The following ZC3H12A variants were observed in gnomAD, a reference collection of about 807,000 sequenced individuals.
ZC3H12A encodes the protein endoribonuclease ZC3H12A.
In ZC3H12A, 9 loss-of-function variants were observed where a neutral mutation model predicts 29.9. The observed-to-expected ratio is 0.30, with a 90% confidence interval of 0.18 to 0.53. The LOEUF is 0.53. Among genes scored for constraint, ZC3H12A ranks in the 20% least tolerant of loss-of-function variants. ZC3H12A has a pLI of 0.96. For missense variants in ZC3H12A, 617 were observed against 799.0 expected, an observed-to-expected ratio of 0.77 and a Z score of 2.75; for synonymous variants, 323 against 338.1, an observed-to-expected ratio of 0.96 and a Z score of 0.49.
intron 3 of ZC3H12A, 64 bp from the exon 4 acceptor site, chr1:37,481,537 A>G: frequency 6.5e-7 from 1 of 1,537,722 alleles, no homozygotes; most frequent in Non-Finnish European, 9.0e-7. Context: ...CAGGTTAGGG[A>G]GCCCTGTAGG....
chr1:37,479,957 C>A lies in ZC3H12A; in HGVS notation c.444-333C>A. On this transcript the variant is annotated intron_variant, in intron 2 of 5. Transcript: ENST00000373087. This position sits in a 1 kb window ranked among gnomAD's most constrained non-coding sequence, Gnocchi z 4.5. ...TGCAAGTGGCCTGGCCCTCCCCCAC[C>A]GTGGGGAGCAGTGCTGCCAGCTTCC... 3.7e-6 allele frequency: 4 copies of A among 1,072,804 alleles called. No individual in the cohort carries two copies. Among genetic ancestry groups the A allele is most frequent in the Non-Finnish European group, 4.5e-6 (4 of 883,300 alleles). 66.5% of individuals were successfully genotyped at this position (1,072,804 alleles called of 1,614,324 possible).
At position 37,483,734 on chromosome 1, in the gene ZC3H12A, T is replaced by C; in HGVS notation, c.*123T>C. 1.5e-6 allele frequency: 2 copies of C among 1,312,570 alleles called. No homozygotes were observed. Among genetic ancestry groups the C allele is most frequent in the South Asian group, 3.1e-5 (2 of 64,666 alleles). The allele number at this position is 1,312,570 out of a possible 1,614,324, so 81.3% of individuals were successfully genotyped here. ...CCCCAGAGGCTGGACAGAGGGAGGA[T>C]TCAAGTCGGGAAGGAAACCCACAAA... On this transcript the variant is annotated 3_prime_UTR_variant, in exon 6 of 6. Coordinates refer to ENST00000373087, the MANE Select transcript of ZC3H12A (RefSeq NM_025079.3).
chr1:37,478,747 TTGA>T lies in ZC3H12A; in HGVS notation c.444-1537_444-1535del, dbSNP rs1245060344. 1 of 703,206 alleles carries T rather than the reference TTGA, an allele frequency of 1.4e-6. No individual in the cohort carries two copies. Among genetic ancestry groups the T allele is most frequent in the East Asian group, 1.4e-4 (1 of 7,396 alleles). The allele number at this position is 703,206 out of a possible 1,614,324, so 43.6% of individuals were successfully genotyped here. ...TTTCATCTGAAAAACAGGGAAGGAGTTGATGATGGTATAGTGCCCTCCTCACAA... is the reference window on the plus strand; with the variant it reads ...TTTCATCTGAAAAACAGGGAAGGAGTTGATGGTATAGTGCCCTCCTCACAA... On this transcript the variant is annotated intron_variant, in intron 2 of 5. Coordinates refer to ENST00000373087, the MANE Select transcript of ZC3H12A (RefSeq NM_025079.3). The surrounding 1 kb of genome is among the most constrained non-coding windows in gnomAD (Gnocchi z 5.2).
Position 37,480,127 on chromosome 1 carries a change from G to T in ZC3H12A, c.444-163G>T, listed in dbSNP as rs1641672817. 3 of 1,347,510 alleles carry T rather than the reference G, an allele frequency of 2.2e-6. No homozygotes were observed. In the African/African-American group the frequency reaches 4.4e-5, roughly 20 times the overall value. 83.5% of individuals were successfully genotyped at this position (1,347,510 alleles called of 1,614,324 possible). On this transcript the variant is annotated intron_variant, in intron 2 of 5. Coordinates refer to ENST00000373087, the MANE Select transcript of ZC3H12A (RefSeq NM_025079.3). ...CAGAGGGCCAGGGCCTGAGCCCTGG[G>T]GAAAGGGGAAGGGGCTGGTGACTCC... is the stretch of plus-strand genomic sequence containing the variant.
In ZC3H12A at chr1:37,476,447, G is replaced by A. The variant is rs1449319984; in HGVS notation, c.443+508G>A. ...TCTTGTCTCAGACCTGGGCTCCCAC[G>A]AAAACAGGTCCAGTGACTGTGTCCA... On this transcript the variant is annotated intron_variant, in intron 2 of 5. Transcript: ENST00000373087. The surrounding 1 kb of genome is among the most constrained non-coding windows in gnomAD (Gnocchi z 6.0). Among the ~76,000 whole-genome samples the A allele has an allele frequency of 2.6e-5, 4 of 152,204 alleles. No individual in the cohort carries two copies. Among genetic ancestry groups the A allele is most frequent in the Non-Finnish European group, 5.9e-5 (4 of 68,028 alleles).
Position 37,483,110 on chromosome 1 carries a change from G to A in ZC3H12A, c.1299G>A (p.Gln433=), listed in dbSNP as rs769568500. 1.2e-6 allele frequency: 2 copies of A among 1,613,372 alleles called. No individual in the cohort carries two copies. The highest frequency in any genetic ancestry group is 3.3e-5 in the Admixed American group (2 of 60,008). The change falls in exon 6 of 6, where the codon CAG becomes CAA. Residue 433 remains glutamine, a synonymous_variant. Coordinates refer to ENST00000373087, the MANE Select transcript of ZC3H12A (RefSeq NM_025079.3). The part of the protein sequence containing the change: ...QTLDSLPYVS[Q]DCLDSGIGSL... ...TGGACTCACTCCCGTACGTCTCCCA[G>A]GATTGCCTGGACTCGGGCATTGGCT...
chr1:37,475,623 G>C lies in ZC3H12A; in HGVS notation c.127G>C (p.Ala43Pro), dbSNP rs1409882596. The change falls in exon 2 of 6, where the codon GCC becomes CCC. Residue 43 changes from alanine (A) to proline (P), a missense_variant. Ala to Pro is a conservative substitution (Grantham distance 27). Transcript: ENST00000373087. The surrounding 1 kb of genome is among the most constrained non-coding windows in gnomAD (Gnocchi z 5.2). ...RPGQELAAEE[A>P]SALELQMKVD... ...GGGTCAAGAGCTGGCCGCTGAGGAG[G>C]CCTCGGCCCTGGAACTGCAGATGAA... is the stretch of plus-strand genomic sequence containing the variant. The C allele has an allele frequency of 6.2e-7, 1 of 1,614,108 alleles. No homozygotes were observed. Among genetic ancestry groups the C allele is most frequent in the Non-Finnish European group, 8.5e-7 (1 of 1,180,050 alleles).
intron 3 of ZC3H12A, among the ~76,000 whole-genome samples, chr1:37,481,042 G>T (rs1557594601): frequency 6.6e-6 from 1 of 152,172 alleles, no homozygotes; most frequent in Non-Finnish European, 1.5e-5. Flanking sequence ...CTTGAGATCT[G>T]GGGGCAGCCT....
At chr1:37,477,518 C>G (rs116568767) in intron 2 of ZC3H12A, among the ~76,000 whole-genome samples, 6 of 152,194 alleles carry the variant, frequency 3.9e-5, no homozygotes, top group East Asian at 3.9e-4. Context: ...GCTAGCCCCC[C>G]CATCATATGC....
In ZC3H12A at chr1:37,475,489, T is replaced by C; in HGVS notation, c.-8T>C. 3 of 1,593,126 alleles carry C rather than the reference T, an allele frequency of 1.9e-6. No homozygotes were observed. The highest frequency in any genetic ancestry group is 2.6e-6 in the Non-Finnish European group (3 of 1,168,570). ...GCTGTGGCGCGGGGCCTTCCAGGAG[T>C]CTGAGCTATGAGTGGCCCCTGTGGA... On this transcript the variant is annotated 5_prime_UTR_variant, in exon 2 of 6. Transcript: ENST00000373087. The surrounding 1 kb of genome is among the most constrained non-coding windows in gnomAD (Gnocchi z 5.2).
chr1:37,480,338 G>A lies in ZC3H12A; in HGVS notation c.492G>A (p.Val164=). The change falls in exon 3 of 6, where the codon GTG becomes GTA. Residue 164 remains valine (V), a synonymous_variant. Coordinates refer to ENST00000373087, the MANE Select transcript of ZC3H12A (RefSeq NM_025079.3). ...CCTGCCGGGGCATCCTGCTGGCAGT[G>A]AACTGGTTTCTGGAGCGGGGCCACA... ...VFSCRGILLA[V]NWFLERGHTD... is the part of the protein sequence containing the mutation. 1 of 1,614,076 alleles carries A rather than the reference G, an allele frequency of 6.2e-7. No homozygotes were observed. Among genetic ancestry groups the A allele is most frequent in the Non-Finnish European group, 8.5e-7 (1 of 1,179,972 alleles).
At chr1:37,481,960 C>G (rs1177848921) in intron 4 of ZC3H12A, 125 bp downstream of exon 4, 3 of 929,882 alleles carry the variant, frequency 3.2e-6, no homozygotes, top group African/African-American at 3.3e-5. Flanking sequence ...GGTTGCGGGT[C>G]TTGGCTCCAG....
Position 37,482,482 on chromosome 1 carries a change from C to T in ZC3H12A, c.867C>T (p.Asp289=). 2 of 1,614,152 alleles carry T rather than the reference C, an allele frequency of 1.2e-6. No homozygotes were observed. The highest frequency in any genetic ancestry group is 1.6e-4 in the Middle Eastern group (1 of 6,062). ...TGGGCCGGCACGGGCCCAGCCTGGACAACTTCCTGCGTAAGAAGCCACTCA... is the reference window on the plus strand; with the variant it reads ...TGGGCCGGCACGGGCCCAGCCTGGATAACTTCCTGCGTAAGAAGCCACTCA... ...DPLGRHGPSL[D]NFLRKKPLTL... is the part of the protein sequence containing the mutation. Residue 289 remains aspartate, a synonymous_variant, in exon 5 of 6, where the codon GAC becomes GAT. Transcript: ENST00000373087.
rs1641596231 is a variant in ZC3H12A at position 37,476,651 on chromosome 1, C to T, written c.443+712C>T. The stretch of plus-strand genomic sequence containing the variant: ...AGGACTCAGCCCCCAGTGACTCCCA[C>T]CCCCATCCCCCAGCACAGGAATGGG... On this transcript the variant is annotated intron_variant, in intron 2 of 5. Transcript: ENST00000373087. This position sits in a 1 kb window ranked among gnomAD's most constrained non-coding sequence, Gnocchi z 6.0. 6.6e-6 allele frequency among the ~76,000 whole-genome samples: 1 copy of T among 152,168 alleles called. No homozygotes were observed. The highest frequency in any genetic ancestry group is 1.5e-5 in the Non-Finnish European group (1 of 68,012).
Position 37,482,927 on chromosome 1 carries a change from G to T in ZC3H12A, c.1116G>T (p.Glu372Asp). 6.2e-7 allele frequency: 1 copy of T among 1,613,702 alleles called. No individual in the cohort carries two copies. Among genetic ancestry groups the T allele is most frequent in the South Asian group, 1.1e-5 (1 of 91,086 alleles). ...SQSSSLLTES[E>D]QCSLDGKKLG... ...CCAGCTCTCTGCTAACAGAGAGTGA[G>T]CAGTGCAGCCTGGATGGGAAGAAGC... Residue 372 changes from glutamate (E) to aspartate (D), a missense_variant, in exon 6 of 6, where the codon GAG becomes GAT. This residue lies in a region of ZC3H12A where 115 missense variants were observed against 112.5 expected (regional missense o/e 1.02). Transcript: ENST00000373087.
chr1:37,479,034 C>G lies in ZC3H12A; in HGVS notation c.444-1256C>G. 1.0e-6 allele frequency: 1 copy of G among 985,250 alleles called. No homozygotes were observed. The highest frequency in any genetic ancestry group is 1.2e-6 in the Non-Finnish European group (1 of 829,902). The allele number at this position is 985,250 out of a possible 1,614,324, so 61.0% of individuals were successfully genotyped here. ...TAGCTTCTCTTAGGGCTCCAGCTAT[C>G]ACCCCTTACCTCCCCCACTCCCATT... is the stretch of plus-strand genomic sequence containing the variant. On this transcript the variant is annotated intron_variant, in intron 2 of 5. Coordinates refer to ENST00000373087, the MANE Select transcript of ZC3H12A (RefSeq NM_025079.3). This position sits in a 1 kb window ranked among gnomAD's most constrained non-coding sequence, Gnocchi z 4.5.
chr1:37,474,980 C>A (rs542290763), intron 1 of ZC3H12A, among the ~76,000 whole-genome samples: 101 of 152,356 alleles, frequency 6.6e-4, no homozygotes, highest in African/African-American at 2.4e-3. Flanking sequence ...TTGCCCTCCC[C>A]GGCTCCGGGA....
rs368636131 is a variant in ZC3H12A, at chr1:37,483,382, C to T, written c.1571C>T (p.Pro524Leu). The T allele has an allele frequency of 6.2e-7, 1 of 1,614,004 alleles. No individual in the cohort carries two copies. Among genetic ancestry groups the T allele is most frequent in the African/African-American group, 1.3e-5 (1 of 74,942 alleles). The change falls in exon 6 of 6, where the codon CCC (proline) becomes CTC (leucine). Residue 524 changes from proline (P) to leucine (L), a missense_variant. Pro to Leu is a moderately conservative substitution (Grantham distance 98, BLOSUM62 -3). This residue lies in a region of ZC3H12A where 172 missense variants were observed against 203.1 expected (regional missense o/e 0.85). Coordinates refer to ENST00000373087, the MANE Select transcript of ZC3H12A (RefSeq NM_025079.3). ...TCTGAACCATACCCACTGCCCCCAC[C>T]CACATCAGTCCTTCAGGAGCCCCCA... ...YWSEPYPLPPPTSVLQEPPVQ... is the reference protein window; with the variant it reads ...YWSEPYPLPPLTSVLQEPPVQ...
chr1:37,479,933 G>A lies in ZC3H12A; in HGVS notation c.444-357G>A, dbSNP rs573831113. On this transcript the variant is annotated intron_variant, in intron 2 of 5. Transcript: ENST00000373087. This position sits in a 1 kb window ranked among gnomAD's most constrained non-coding sequence, Gnocchi z 4.5. ...CCTTTCCCCCACCCCCAGGTGTGTT[G>A]CAAGTGGCCTGGCCCTCCCCCACCG... is the stretch of plus-strand genomic sequence containing the variant. The A allele has an allele frequency of 3.4e-4, 352 of 1,037,142 alleles. No individual in the cohort carries two copies. The African/African-American group carries it at 5.5e-3, about 16-fold the overall frequency. 64.2% of individuals were successfully genotyped at this position (1,037,142 alleles called of 1,614,324 possible). A position where few individuals can be genotyped will look rare whatever the true frequency, so the allele number is the denominator to read the frequency against.
Sources: allele counts gnomAD v4.1 joint callset (sites outside exome capture counted in the v4.1 genomes callset), GRCh38; gene constraint gnomAD v4.1.1; regional missense constraint gnomAD v4.1.1; non-coding constraint Gnocchi (gnomAD v3.1); transcripts MANE v1.5; gene names NCBI Gene and HGNC (gene_info 2026-07-23, HGNC 2026-07-21).